Variants in MAPK10 observed in about 807,000 individuals in gnomAD.
MAPK10 encodes the protein mitogen-activated protein kinase 10.
Under a neutral mutation model 59.3 loss-of-function variants are expected in MAPK10, and 25 were observed. The observed-to-expected ratio is 0.42, with a 90% confidence interval of 0.31 to 0.59. MAPK10 has a LOEUF of 0.59. Ranked by LOEUF, MAPK10 falls within the 20% of genes least tolerant of loss-of-function variation. The pLI is 0.15. For missense variants in MAPK10, 351 were observed against 568.9 expected, an observed-to-expected ratio of 0.62 and a Z score of 3.90; for synonymous variants, 190 against 200.5, an observed-to-expected ratio of 0.95 and a Z score of 0.44.
intron 2 of MAPK10, among the ~76,000 whole-genome samples, chr4:86,270,204 G>A (rs958707512): frequency 1.3e-5 from 2 of 151,910 alleles, no homozygotes; most frequent in African/African-American, 4.8e-5. Context: ...GGAAATTTGG[G>A]ATCTTACTGT....
chr4:86,494,698 C>T (rs1208751066), intron 1 of MAPK10, among the ~76,000 whole-genome samples: 2 of 151,758 alleles, frequency 1.3e-5, no homozygotes, highest in South Asian at 2.1e-4. Flanking sequence ...AAAAAACTAG[C>T]TGGCCGTGGT....
chr4:86,361,511 T>C (rs1452090469), upstream of MAPK10, among the ~76,000 whole-genome samples: 1 of 152,120 alleles, frequency 6.6e-6, no homozygotes, highest in Non-Finnish European at 1.5e-5. Flanking sequence ...CAAAAGTCAG[T>C]TCCCCAATCC....
chr4:86,312,498 T>C (rs2095690445), intron 2 of MAPK10, among the ~76,000 whole-genome samples: 1 of 152,112 alleles, frequency 6.6e-6, no homozygotes, highest in African/African-American at 2.4e-5. Context: ...ATAGCAAATG[T>C]ATTACATTGT....
chr4:86,195,302 A>G (rs1452791567), intron 2 of MAPK10, among the ~76,000 whole-genome samples: 1 of 152,222 alleles, frequency 6.6e-6, no homozygotes, highest in Non-Finnish European at 1.5e-5. Flanking sequence ...ATTTAAAAAC[A>G]CCATCAATAT....
At chr4:86,387,906 T>TA (rs1414423029) in intron 1 of MAPK10, among the ~76,000 whole-genome samples, 27 of 151,946 alleles carry the variant, frequency 1.8e-4, no homozygotes, top group African/African-American at 6.0e-4. Flanking sequence ...GACAGTTACT[T>TA]AGAGTAGCTA....
At chr4:86,370,870 G>C (rs978390039) in intron 1 of MAPK10, 1 of 152,136 alleles carries the variant, frequency 6.6e-6, no homozygotes, top group Non-Finnish European at 1.5e-5. Context: ...TTATGGTTCT[G>C]TAACAAAATG....
At chr4:86,030,194 T>C (rs540186522) in intron 12 of MAPK10, among the ~76,000 whole-genome samples, 1 of 152,302 alleles carries the variant, frequency 6.6e-6, no homozygotes, top group Non-Finnish European at 1.5e-5. Context: ...TTTTCATCTA[T>C]ATCAAGCATC....
At chr4:86,390,304 T>C (rs1031893773) in intron 1 of MAPK10, among the ~76,000 whole-genome samples, 3 of 152,192 alleles carry the variant, frequency 2.0e-5, no homozygotes, top group African/African-American at 4.8e-5. Context: ...TTGGGTTGGA[T>C]AGGATTGAAA....
At chr4:86,434,346 G>T (rs931183939) in intron 1 of MAPK10, among the ~76,000 whole-genome samples, 1 of 152,158 alleles carries the variant, frequency 6.6e-6, no homozygotes, top group Non-Finnish European at 1.5e-5. Context: ...AAACAATCAA[G>T]TGAAGAGACA....
chr4:86,511,078 T>C (rs1328460741), intron 1 of MAPK10, among the ~76,000 whole-genome samples: 1 of 152,262 alleles, frequency 6.6e-6, no homozygotes, highest in South Asian at 2.1e-4. Context: ...TTTGAGGTGA[T>C]GGATATCCCA....
chr4:86,064,245 T>C, intron 11 of MAPK10, 21 bp downstream of exon 11: 2 of 1,613,560 alleles, frequency 1.2e-6, no homozygotes, highest in South Asian at 1.1e-5. Context: ...GGAAGCAAAG[T>C]AAAGGCAGCC....
At chr4:86,572,364 T>C (rs1761525567) in intron 1 of MAPK10, among the ~76,000 whole-genome samples, 1 of 152,172 alleles carries the variant, frequency 6.6e-6, no homozygotes, top group South Asian at 2.1e-4. Context: ...CTAGTTCAAA[T>C]AAAAAACATA....
intron 2 of MAPK10, among the ~76,000 whole-genome samples, chr4:86,349,047 A>G (rs895831416): frequency 1.3e-5 from 2 of 152,248 alleles, no homozygotes; most frequent in African/African-American, 2.4e-5. Context: ...TCTGAATAGT[A>G]AAAATGACAG....
At chr4:86,526,434 G>C (rs1190380027) in intron 1 of MAPK10, among the ~76,000 whole-genome samples, 1 of 152,092 alleles carries the variant, frequency 6.6e-6, no homozygotes, top group Admixed American at 6.6e-5. Context: ...TGTCATTTCT[G>C]ATCATGCTTA....
intron 9 of MAPK10, chr4:86,091,536 ATTTTTTTTTT>A (rs71657508): frequency 4.4e-5 from 3 of 67,416 alleles, no homozygotes; most frequent in Admixed American, 2.2e-4. Context: ...AAATCCCTTG[ATTTTTTTTTT>A]TTTTTTTTTT....
At chr4:86,528,687 C>T (rs1244286070) in intron 1 of MAPK10, among the ~76,000 whole-genome samples, 2 of 152,150 alleles carry the variant, frequency 1.3e-5, no homozygotes, top group African/African-American at 4.8e-5. Flanking sequence ...GGCCTAGAGG[C>T]ATGTACCACC....
At chr4:86,468,977 A>G (rs1752440873) in intron 1 of MAPK10, among the ~76,000 whole-genome samples, 1 of 152,242 alleles carries the variant, frequency 6.6e-6, no homozygotes, top group African/African-American at 2.4e-5. Flanking sequence ...TTCATAAGAA[A>G]TACAAATGAA....
At chr4:86,232,185 A>T (rs1429866770) in intron 2 of MAPK10, among the ~76,000 whole-genome samples, 1 of 152,224 alleles carries the variant, frequency 6.6e-6, no homozygotes, top group Non-Finnish European at 1.5e-5. Flanking sequence ...TTACAAAAAC[A>T]GCTGGTAGAC....
At chr4:86,325,784 T>G (rs1345635814) in intron 2 of MAPK10, 1 of 152,198 alleles carries the variant, frequency 6.6e-6, no homozygotes, top group African/African-American at 2.4e-5. Context: ...GTAATACATA[T>G]GTGTTAGTAT....
Sources: gnomAD v4.1 joint callset for allele counts (sites outside exome capture counted in the v4.1 genomes callset) on GRCh38, gnomAD v4.1.1 for gene constraint, MANE v1.5 for transcripts, NCBI Gene and HGNC (gene_info 2026-07-23, HGNC 2026-07-21) for gene names.